Variants in SMG6 observed in about 807,000 individuals in gnomAD.
SMG6 encodes the protein SMG6 nonsense mediated mRNA decay factor, also known as telomerase-binding protein EST1A.
In SMG6, 66 loss-of-function variants were observed where a neutral mutation model predicts 142.2. The observed-to-expected ratio is 0.46, with a 90% CI of 0.38 to 0.57. SMG6 has a LOEUF of 0.57. Among genes scored for constraint, SMG6 ranks in the 20% least tolerant of loss-of-function variants. The probability of loss-of-function intolerance (pLI) is 0.00; values close to 1 mark genes in which losing one functional copy is unlikely to be tolerated. For synonymous variants in SMG6, 779 were observed against 702.4 expected (o/e 1.11, Z -1.72); for missense variants, 1,793 against 1,832.0 (o/e 0.98, Z 0.39).
At chr17:2,171,243 C>T (rs536218769) in intron 13 of SMG6, among the ~76,000 whole-genome samples, 7 of 151,934 alleles carry the variant, frequency 4.6e-5, no homozygotes, top group Admixed American at 3.9e-4. Flanking sequence ...CACCATACTC[C>T]AGCCTGGGCA....
chr17:2,205,383 C>G (rs1401909538), intron 10 of SMG6, among the ~76,000 whole-genome samples: 1 of 152,130 alleles, frequency 6.6e-6, no homozygotes, highest in Non-Finnish European at 1.5e-5. Flanking sequence ...CCACGCCTGG[C>G]CTGTATCTAA....
At position 2,127,916 on chromosome 17, in the gene SMG6, G is replaced by C. The variant is rs2069954732; in HGVS notation, c.3358-42015C>G. The C allele has an allele frequency of 1.6e-4, 93 of 567,138 alleles. 3 individuals carry two copies. The highest frequency in any genetic ancestry group is 1.2e-3 in the South Asian group (88 of 72,150). 35.1% of individuals were successfully genotyped at this position (567,138 alleles called of 1,614,324 possible). On this transcript the variant is annotated intron_variant, in intron 13 of 18. Transcript: ENST00000263073. The stretch of plus-strand genomic sequence containing the variant: ...TAGACGATGTCCACGTTGGCCTCCA[G>C]TACCTGGACCAATGCAGACACAATG...
intron 8 of SMG6, among the ~76,000 whole-genome samples, chr17:2,279,325 G>C (rs2074730358): frequency 6.6e-6 from 1 of 152,202 alleles, no homozygotes; most frequent in Non-Finnish European, 1.5e-5. Context: ...AACAAAGGAA[G>C]AAAAGTATGA....
At chr17:2,251,392 T>C (rs1029889179) in intron 8 of SMG6, among the ~76,000 whole-genome samples, 6 of 151,934 alleles carry the variant, frequency 3.9e-5, no homozygotes, top group Non-Finnish European at 5.9e-5. Context: ...GAGGCTGAGG[T>C]AGAACCGGGA....
At chr17:2,173,796 C>T (rs2071577432) in intron 12 of SMG6, among the ~76,000 whole-genome samples, 1 of 149,262 alleles carries the variant, frequency 6.7e-6, no homozygotes, top group Non-Finnish European at 1.5e-5. Flanking sequence ...TGTCAAAAAT[C>T]GACTGTGGGT....
At chr17:2,079,748 A>T (rs2068360402) in intron 15 of SMG6, among the ~76,000 whole-genome samples, 1 of 152,180 alleles carries the variant, frequency 6.6e-6, no homozygotes, top group Admixed American at 6.5e-5. Flanking sequence ...TTACACACTG[A>T]TTCCAATGGT....
intron 8 of SMG6, among the ~76,000 whole-genome samples, chr17:2,281,025 G>C (rs1438030929): frequency 1.3e-5 from 2 of 152,188 alleles, no homozygotes; most frequent in African/African-American, 4.8e-5. Context: ...CTGCACTCTG[G>C]CCTGAGCAAC....
chr17:2,220,075 C>A (rs2151765462), intron 10 of SMG6, among the ~76,000 whole-genome samples: 1 of 152,216 alleles, frequency 6.6e-6, no homozygotes, highest in African/African-American at 2.4e-5. Context: ...ACATGTACCA[C>A]CACATCCAGC....
chr17:2,097,860 G>A (rs2068898061), intron 13 of SMG6, among the ~76,000 whole-genome samples: 1 of 152,162 alleles, frequency 6.6e-6, no homozygotes, highest in Non-Finnish European at 1.5e-5. Context: ...ACGTGACCTG[G>A]TAGCAGAGCA....
chr17:2,141,916 C>T (rs934734686), intron 13 of SMG6, among the ~76,000 whole-genome samples: 2 of 152,126 alleles, frequency 1.3e-5, no homozygotes, highest in Non-Finnish European at 2.9e-5. Flanking sequence ...TCAATCTGAT[C>T]CAATTTTATA....
rs2067737236 is a variant in SMG6, at chr17:2,060,344, G to T, written c.*1148C>A. The T allele has an allele frequency of 6.6e-6, 1 of 152,284 alleles. No homozygotes were observed. The highest frequency in any genetic ancestry group is 2.1e-4 in the South Asian group (1 of 4,834). The allele number at this position is 152,284 out of a possible 1,614,324, so 9.4% of individuals were successfully genotyped here. On this transcript the variant is annotated 3_prime_UTR_variant, in exon 19 of 19. Transcript: ENST00000263073. The stretch of plus-strand genomic sequence containing the variant: ...CCCTGTGTCAGTGTCAGTTTTTCCG[G>T]GGAGTGAGGGCAAAGCTAGAAACCA...
chr17:2,200,433 T>A (rs993619474), intron 10 of SMG6, among the ~76,000 whole-genome samples: 11 of 152,032 alleles, frequency 7.2e-5, no homozygotes, highest in African/African-American at 2.7e-4. Flanking sequence ...TATGTATACA[T>A]GTGCCATGTT....
intron 13 of SMG6, among the ~76,000 whole-genome samples, chr17:2,158,280 C>T (rs931339920): frequency 1.1e-4 from 17 of 152,020 alleles, no homozygotes; most frequent in Non-Finnish European, 2.2e-4. Context: ...ACGTTTTCCT[C>T]TGCATTCTAG....
At chr17:2,070,425 C>A (rs902558496) in intron 15 of SMG6, among the ~76,000 whole-genome samples, 24 of 152,340 alleles carry the variant, frequency 1.6e-4, no homozygotes, top group Admixed American at 1.1e-3. Context: ...CTCTCATGGC[C>A]TTCTGCCACA....
intron 13 of SMG6, among the ~76,000 whole-genome samples, chr17:2,115,567 A>G (rs1267480252): frequency 6.6e-6 from 1 of 152,250 alleles, no homozygotes; most frequent in Non-Finnish European, 1.5e-5. Context: ...GACTTATGAC[A>G]TGGCATCATT....
intron 10 of SMG6, among the ~76,000 whole-genome samples, chr17:2,227,685 AACTG>A (rs1468022152): frequency 6.6e-6 from 1 of 152,222 alleles, no homozygotes; most frequent in Non-Finnish European, 1.5e-5. Flanking sequence ...AAATTTGTCA[AACTG>A]ACTGAAGTGC....
At chr17:2,257,113 T>C (rs563793038) in intron 8 of SMG6, among the ~76,000 whole-genome samples, 13 of 144,866 alleles carry the variant, frequency 9.0e-5, no homozygotes, top group African/African-American at 2.6e-4. Context: ...TGAGACAGAG[T>C]CTCGCTCTGT....
chr17:2,140,170 C>T (rs1473854258), intron 13 of SMG6, among the ~76,000 whole-genome samples: 1 of 152,150 alleles, frequency 6.6e-6, no homozygotes, highest in African/African-American at 2.4e-5. Flanking sequence ...TCCAGTGATC[C>T]TCCCACCTCA....
intron 13 of SMG6, among the ~76,000 whole-genome samples, chr17:2,120,353 T>C (rs1567613117): frequency 6.6e-6 from 1 of 151,606 alleles, no homozygotes; most frequent in Non-Finnish European, 1.5e-5. Flanking sequence ...AACAAGAAAA[T>C]AACTCAAGAA....
Sources: gnomAD v4.1 joint callset for allele counts (sites outside exome capture counted in the v4.1 genomes callset) on GRCh38, gnomAD v4.1.1 for gene constraint, MANE v1.5 for transcripts, NCBI Gene and HGNC (gene_info 2026-07-23, HGNC 2026-07-21) for gene names.